ZC3H12C: variants seen among roughly 807,000 people sequenced by gnomAD.
The protein encoded by ZC3H12C is zinc finger CCCH-type containing 12C.
Under a neutral mutation model 76.3 loss-of-function variants are expected in ZC3H12C, and 20 were observed. That is an observed-to-expected ratio of 0.26 (90% CI 0.18 to 0.38). The LOEUF is 0.38. ZC3H12C is among the 10% of genes least tolerant of loss of function. The pLI is 1.00. For synonymous variants in ZC3H12C, 352 were observed against 399.6 expected, an observed-to-expected ratio of 0.88 and a Z score of 1.42; for missense variants, 874 against 1,086.5, an observed-to-expected ratio of 0.80 and a Z score of 2.75.
intron 3 of ZC3H12C, among the ~76,000 whole-genome samples, chr11:110,154,442 C>T (rs2134192735): frequency 1.3e-5 from 2 of 151,868 alleles, no homozygotes; most frequent in South Asian, 4.2e-4. Flanking sequence ...AATGAATAGG[C>T]AAGTCATGGT....
At chr11:110,093,813 C>G (rs753392929) in intron 1 of ZC3H12C, among the ~76,000 whole-genome samples, 4 of 152,154 alleles carry the variant, frequency 2.6e-5, no homozygotes, top group Non-Finnish European at 5.9e-5. Context: ...AACGGACACA[C>G]TGCGCTGCCC....
chr11:110,119,579 A>G (rs1169334313), intron 1 of ZC3H12C, among the ~76,000 whole-genome samples: 1 of 152,050 alleles, frequency 6.6e-6, no homozygotes, highest in African/African-American at 2.4e-5. Context: ...GCACACTCTC[A>G]TCTCACAGCT....
At chr11:110,149,728 C>A (rs1057515156) in intron 2 of ZC3H12C, among the ~76,000 whole-genome samples, 1 of 152,160 alleles carries the variant, frequency 6.6e-6, no homozygotes, top group Admixed American at 6.5e-5. Context: ...CCTTAAAAAA[C>A]AACTGGCTAC....
At chr11:110,145,952 C>T (rs997196347) in intron 2 of ZC3H12C, among the ~76,000 whole-genome samples, 5 of 152,136 alleles carry the variant, frequency 3.3e-5, no homozygotes, top group Non-Finnish European at 2.9e-5. Flanking sequence ...AGGTAGAAGA[C>T]GGTTGAGAGA....
At chr11:110,132,621 T>G (rs925702422) in intron 1 of ZC3H12C, among the ~76,000 whole-genome samples, 7 of 152,132 alleles carry the variant, frequency 4.6e-5, no homozygotes, top group African/African-American at 1.7e-4. Context: ...AAGAATATAG[T>G]GTCTTTAGGT....
rs767485654 is a variant in ZC3H12C, at chr11:110,165,691, A to C, written c.2606A>C (p.Gln869Pro). Residue 869 changes from glutamine (Q) to proline (P), a missense_variant, in exon 6 of 6, where the codon CAG (glutamine) becomes CCG (proline). Transcript: ENST00000278590. ...AATCCTCACATGACAGACGCCCAGC[A>C]GCTCGCCGCAGCCATTTTAGTGGAG... ...KRNPHMTDAQQLAAAILVEKS... is the reference protein window; with the variant it reads ...KRNPHMTDAQPLAAAILVEKS... The C allele has an allele frequency of 1.3e-6, 2 of 1,594,322 alleles. No homozygotes were observed. The highest frequency in any genetic ancestry group is 8.5e-7 in the Non-Finnish European group (1 of 1,169,782).
At chr11:110,102,487 A>G (rs1861235179) in intron 1 of ZC3H12C, among the ~76,000 whole-genome samples, 1 of 152,106 alleles carries the variant, frequency 6.6e-6, no homozygotes, top group African/African-American at 2.4e-5. Context: ...ACTTGAACAG[A>G]TGAGGAGTTG....
At chr11:110,104,622 G>A (rs558250851) in intron 1 of ZC3H12C, among the ~76,000 whole-genome samples, 1 of 152,332 alleles carries the variant, frequency 6.6e-6, no homozygotes, top group East Asian at 1.9e-4. Context: ...AGCAGGTGGG[G>A]CCTCTGAAAT....
chr11:110,157,401 C>T (rs1862397936), intron 3 of ZC3H12C, among the ~76,000 whole-genome samples: 1 of 148,840 alleles, frequency 6.7e-6, no homozygotes, highest in Non-Finnish European at 1.5e-5. Context: ...ACCTGAGCCA[C>T]ATTTCTTCCA....
intron 1 of ZC3H12C, among the ~76,000 whole-genome samples, chr11:110,120,755 A>G (rs1049855767): frequency 6.6e-6 from 1 of 152,170 alleles, no homozygotes; most frequent in African/African-American, 2.4e-5. Flanking sequence ...TTTTTCAATC[A>G]CTGTGTATTG....
chr11:110,156,947 C>T (rs962446577), intron 3 of ZC3H12C, among the ~76,000 whole-genome samples: 1 of 152,078 alleles, frequency 6.6e-6, no homozygotes, highest in East Asian at 1.9e-4. Flanking sequence ...TTGGGAGGCC[C>T]AGGCGGGCGG....
chr11:110,145,648 C>G (rs1591479692), intron 2 of ZC3H12C, among the ~76,000 whole-genome samples: 1 of 152,048 alleles, frequency 6.6e-6, no homozygotes, highest in East Asian at 1.9e-4. Context: ...ATCTCATATC[C>G]TATGTGGTAT....
intron 4 of ZC3H12C, among the ~76,000 whole-genome samples, chr11:110,160,876 G>A (rs1411276093): frequency 6.6e-6 from 1 of 151,878 alleles, no homozygotes; most frequent in African/African-American, 2.4e-5. Flanking sequence ...TTGCCCTGTC[G>A]CCCAAGCTGG....
intron 1 of ZC3H12C, among the ~76,000 whole-genome samples, chr11:110,102,012 C>T (rs7101606): frequency 7.8e-4 from 119 of 151,730 alleles, no homozygotes; most frequent in African/African-American, 2.8e-3. Flanking sequence ...TGTAATATTA[C>T]TATTCATTGA....
chr11:110,112,372 G>A (rs1168616898), intron 1 of ZC3H12C, among the ~76,000 whole-genome samples: 3 of 152,128 alleles, frequency 2.0e-5, no homozygotes, highest in African/African-American at 7.2e-5. Context: ...CTAATTTTTT[G>A]TAGAGATGGG....
rs146871544 is a variant in ZC3H12C at position 110,099,728 on chromosome 11, C to G, written c.21+6296C>G. Among the ~76,000 whole-genome samples, 436 of 151,792 alleles carry G rather than the reference C, an allele frequency of 2.9e-3. 2 individuals carry two copies. The highest frequency in any genetic ancestry group is 0.014 in the Middle Eastern group (4 of 294). Reference sequence around the variant, plus strand: ...TCGGGAGGCTGTGGCAGGAGAACTGCTTGAACCCAGGAGGCAGAGGTTGCA... The same window carrying G: ...TCGGGAGGCTGTGGCAGGAGAACTGGTTGAACCCAGGAGGCAGAGGTTGCA... On this transcript the variant is annotated intron_variant, in intron 1 of 5. Transcript: ENST00000278590.
In ZC3H12C at chr11:110,164,090, C is replaced by A. The variant is rs1862529890; in HGVS notation, c.1256-251C>A. Among the ~76,000 whole-genome samples the A allele has an allele frequency of 9.0e-6, 1 of 110,798 alleles. No individual in the cohort carries two copies. Among genetic ancestry groups the A allele is most frequent in the African/African-American group, 3.1e-5 (1 of 31,752 alleles). 72.7% of individuals were successfully genotyped at this position (110,798 alleles called of 152,430 possible). On this transcript the variant is annotated intron_variant, in intron 5 of 5. Transcript: ENST00000278590. This position sits in a 1 kb window ranked among gnomAD's most constrained non-coding sequence, Gnocchi z 5.7. Reference sequence around the variant, plus strand: ...CCTCCACCTGGGTGACAGAGCAAGACCCTGTCTCAAAAAAAAAAAAAAAGT... The same window carrying A: ...CCTCCACCTGGGTGACAGAGCAAGAACCTGTCTCAAAAAAAAAAAAAAAGT...
rs28442225 is a variant in ZC3H12C, at chr11:110,117,879, T to C, written c.22-18784T>C. ...TATATATAATATATATACACACACA[T>C]ATATATATTATATATATACACACAC... On this transcript the variant is annotated intron_variant, in intron 1 of 5. Transcript: ENST00000278590. 2.0e-4 allele frequency among the ~76,000 whole-genome samples: 5 copies of C among 24,862 alleles called. 2 individuals are homozygous for C. The highest frequency in any genetic ancestry group is 1.0e-3 in the South Asian group (1 of 978). The allele number at this position is 24,862 out of a possible 152,430, so 16.3% of individuals were successfully genotyped here.
At chr11:110,160,893 G>C (rs1390524333) in intron 4 of ZC3H12C, among the ~76,000 whole-genome samples, 1 of 152,104 alleles carries the variant, frequency 6.6e-6, no homozygotes, top group Non-Finnish European at 1.5e-5. Context: ...CTGGAGTGCA[G>C]TGGTGCCACC....
Sources: gnomAD v4.1 joint callset for allele counts (sites outside exome capture counted in the v4.1 genomes callset) on GRCh38, gnomAD v4.1.1 for gene constraint, Gnocchi (gnomAD v3.1) non-coding constraint, MANE v1.5 for transcripts, NCBI Gene and HGNC (gene_info 2026-07-23, HGNC 2026-07-21) for gene names.